Variants in SLC12A5 observed in about 807,000 individuals in gnomAD.
The protein encoded by SLC12A5 is solute carrier family 12 member 5.
SLC12A5 carries 18 observed loss-of-function variants against 124.0 expected under a neutral mutation model. The observed-to-expected ratio is 0.15, with a 90% CI of 0.10 to 0.22. The LOEUF (loss-of-function observed/expected upper bound fraction) is 0.22, where lower values mean the gene tolerates loss of function less well. SLC12A5 is among the 10% of genes least tolerant of loss of function. The pLI is 1.00. For missense variants in SLC12A5, 867 were observed against 1,478.7 expected (o/e 0.59, Z 6.78); for synonymous variants, 589 against 568.0 (o/e 1.04, Z -0.53).
At chr20:46,049,513 G>A (rs1468726407) in intron 16 of SLC12A5, 109 bp from the exon 17 acceptor site, 3 of 1,386,156 alleles carry the variant, frequency 2.2e-6, no homozygotes, top group Non-Finnish European at 3.0e-6. Flanking sequence ...AGGTGGATGG[G>A]ACAGATGGTT....
chr20:46,038,426 T>C (rs2084516548), intron 6 of SLC12A5: 1 of 152,092 alleles, frequency 6.6e-6, no homozygotes, highest in Admixed American at 6.5e-5. Context: ...GAGTTTAAAA[T>C]GATCCTCCCA....
chr20:46,026,278 T>C (rs1007529927), upstream of SLC12A5, among the ~76,000 whole-genome samples: 1 of 152,088 alleles, frequency 6.6e-6, no homozygotes, highest in African/African-American at 2.4e-5. Context: ...AGTTTAGAAA[T>C]AGGACCCTCC....
At chr20:46,021,950 G>T (rs1371309908) in intron 1 of SLC12A5, 4 of 1,428,024 alleles carry the variant, frequency 2.8e-6, no homozygotes, top group South Asian at 1.4e-5. Context: ...GGCCGGGGCG[G>T]ACCGTCTGTT....
chr20:46,045,679 G>A lies in SLC12A5; in HGVS notation c.1570-199G>A, dbSNP rs981393666. 2.0e-5 allele frequency among the ~76,000 whole-genome samples: 3 copies of A among 152,150 alleles called. No individual in the cohort carries two copies. Among genetic ancestry groups the A allele is most frequent in the African/African-American group, 7.2e-5 (3 of 41,420 alleles). ...ATCATTTGAACTTCATGGCACTGGG[G>A]TGCCGATCTCAGGGTGGGCAAGATG... On this transcript the variant is annotated intron_variant, in intron 12 of 25. Coordinates refer to ENST00000243964, the MANE Select transcript of SLC12A5 (RefSeq NM_020708.5). This position sits in a 1 kb window ranked among gnomAD's most constrained non-coding sequence, Gnocchi z 4.9.
chr20:46,046,576 C>A, intron 14 of SLC12A5, 140 bp downstream of exon 14: 1 of 677,840 alleles, frequency 1.5e-6, no homozygotes, highest in Non-Finnish European at 2.5e-6. Context: ...CTTTTGTTGA[C>A]CAACTCACAT....
In SLC12A5 at chr20:46,059,929, A is replaced by T. The variant is rs2084738740; in HGVS notation, c.*2324A>T. Reference sequence around the variant, plus strand: ...AAGAGTATTTATTACTATTACTGCTATTATTATTAGGCCTGCCTTTAATTT... The same window carrying T: ...AAGAGTATTTATTACTATTACTGCTTTTATTATTAGGCCTGCCTTTAATTT... On this transcript the variant is annotated 3_prime_UTR_variant, in exon 26 of 26. Coordinates refer to ENST00000243964, the MANE Select transcript of SLC12A5 (RefSeq NM_020708.5). 1 of 301,558 alleles carries T rather than the reference A, an allele frequency of 3.3e-6. No individual in the cohort carries two copies. Among genetic ancestry groups the T allele is most frequent in the African/African-American group, 2.1e-5 (1 of 46,580 alleles). The allele number at this position is 301,558 out of a possible 1,614,324, so 18.7% of individuals were successfully genotyped here.
rs2084606306 is a variant in SLC12A5, at chr20:46,047,475, G to A, written c.1809G>A (p.Met603Ile). The A allele has an allele frequency of 1.9e-6, 3 of 1,614,074 alleles. No homozygotes were observed. The highest frequency in any genetic ancestry group is 2.5e-6 in the Non-Finnish European group (3 of 1,179,954). ...YYHWTLSFLG[M>I]SLCLALMFIC... ...CTAGGACCCTCTCCTTCCTGGGCAT[G>A]AGCCTCTGCCTGGCCCTCATGTTCA... Residue 603 changes from methionine (M) to isoleucine (I), a missense_variant, in exon 15 of 26, where the codon ATG becomes ATA. Around this residue, in one of 9 missense-constraint regions of SLC12A5, gnomAD observed 152 missense variants for 358.7 expected, o/e 0.42. Coordinates refer to ENST00000243964, the MANE Select transcript of SLC12A5 (RefSeq NM_020708.5).
At position 46,057,064 on chromosome 20, in the gene SLC12A5, G is replaced by A; in HGVS notation, c.3126-106G>A. ...GTTTAGGATTGGTGGTCCTAGGCTT[G>A]CAAGAACCAGTCCCCAGCAGCCCAG... On this transcript the variant is annotated intron_variant, in intron 24 of 25. Transcript: ENST00000243964. This position sits in a 1 kb window ranked among gnomAD's most constrained non-coding sequence, Gnocchi z 7.1. 1 of 1,590,430 alleles carries A rather than the reference G, an allele frequency of 6.3e-7. No individual in the cohort carries two copies. Among genetic ancestry groups the A allele is most frequent in the Non-Finnish European group, 8.6e-7 (1 of 1,162,012 alleles).
intron 1 of SLC12A5, 135 bp downstream of exon 1, chr20:46,029,531 G>T: frequency 6.3e-6 from 6 of 956,328 alleles, no homozygotes; most frequent in Non-Finnish European, 7.6e-6. Context: ...GCCAGTTGCA[G>T]CCTGGAGCTC....
At chr20:46,037,491 G>A (rs1278363197) in intron 6 of SLC12A5, 106 bp downstream of exon 6, 30 of 1,328,858 alleles carry the variant, frequency 2.3e-5, no homozygotes, top group Non-Finnish European at 3.0e-5. Flanking sequence ...GGCCAAAAAT[G>A]TGGTTCAGTA....
In SLC12A5 at chr20:46,045,193, C is replaced by T; in HGVS notation, c.1569+53C>T. ...CTCAGTAGACCAGCCAGGCCCCTGC[C>T]CAGAGAGACCACACAGTGACCCAGG... On this transcript the variant is annotated intron_variant, in intron 12 of 25. Coordinates refer to ENST00000243964, the MANE Select transcript of SLC12A5 (RefSeq NM_020708.5). The surrounding 1 kb of genome is among the most constrained non-coding windows in gnomAD (Gnocchi z 4.9). The T allele has an allele frequency of 3.3e-6, 5 of 1,512,310 alleles. No individual in the cohort carries two copies. Among genetic ancestry groups the T allele is most frequent in the Non-Finnish European group, 4.4e-6 (5 of 1,136,380 alleles). 93.7% of individuals were successfully genotyped at this position (1,512,310 alleles called of 1,614,324 possible). A position where few individuals can be genotyped will look rare whatever the true frequency, so the allele number is the denominator to read the frequency against.
intron 16 of SLC12A5, 77 bp from the exon 17 acceptor site, chr20:46,049,545 G>T (rs543942274): frequency 3.9e-6 from 6 of 1,521,640 alleles, no homozygotes; most frequent in South Asian, 1.2e-5. Flanking sequence ...ATGGCTAGAT[G>T]ACCTGGTGGT....
At position 46,029,233 on chromosome 20, in the gene SLC12A5, G is replaced by T; in HGVS notation, c.-112G>T. The T allele has an allele frequency of 1.4e-6, 2 of 1,452,702 alleles. No individual in the cohort carries two copies. Among genetic ancestry groups the T allele is most frequent in the Non-Finnish European group, 1.8e-6 (2 of 1,101,464 alleles). The allele number at this position is 1,452,702 out of a possible 1,614,324, so 90.0% of individuals were successfully genotyped here. ...GGCGGGCACTGCAGCTTCTTCCTCCGTGGAGCGGAGAGCGAGACAGAGCTA... is the reference window on the plus strand; with the variant it reads ...GGCGGGCACTGCAGCTTCTTCCTCCTTGGAGCGGAGAGCGAGACAGAGCTA... On this transcript the variant is annotated 5_prime_UTR_variant, in exon 1 of 26. Transcript: ENST00000243964.
At chr20:46,021,690 C>G (rs1455270812), upstream of SLC12A5, 3 of 1,502,726 alleles carry the variant, frequency 2.0e-6, no homozygotes, top group African/African-American at 4.3e-5. Flanking sequence ...TCCGCTCTTT[C>G]TCCCTCCTAG....
At chr20:46,035,072 C>G in intron 2 of SLC12A5, 30 bp downstream of exon 2, 2 of 1,603,836 alleles carry the variant, frequency 1.2e-6, no homozygotes, top group East Asian at 4.5e-5. Context: ...GGGCCCCCAC[C>G]TACAATTCAT....
At position 46,042,514 on chromosome 20, in the gene SLC12A5, C is replaced by T. The variant is rs370696292; in HGVS notation, c.1067-639C>T. ...GTAAACATTTGGCTGTGTCTGCAGACGTTTTTGGTTGTCAAAACTGGAGGG... is the reference window on the plus strand; with the variant it reads ...GTAAACATTTGGCTGTGTCTGCAGATGTTTTTGGTTGTCAAAACTGGAGGG... On this transcript the variant is annotated intron_variant, in intron 8 of 25. Transcript: ENST00000243964. Among the ~76,000 whole-genome samples, 9 of 151,616 alleles carry T rather than the reference C, an allele frequency of 5.9e-5. No individual in the cohort carries two copies. The South Asian group carries it at 6.2e-4, about 11-fold the overall frequency.
chr20:46,057,584 G>C lies in SLC12A5; in HGVS notation c.3330G>C (p.Glu1110Asp). ...RVMLVRGGGR[E>D]VITIYS The stretch of plus-strand genomic sequence containing the variant: ...TGCTGGTCCGCGGCGGCGGCCGCGA[G>C]GTCATCACCATCTACTCCTGAGAAC... Residue 1110 changes from glutamate (E) to aspartate (D), a missense_variant, in exon 26 of 26, where the codon GAG becomes GAC. Physicochemically the swap from Glu to Asp is conservative, Grantham distance 45 (BLOSUM62 2). This residue lies in a region of SLC12A5 where 180 missense variants were observed against 243.6 expected (regional missense o/e 0.74). Coordinates refer to ENST00000243964, the MANE Select transcript of SLC12A5 (RefSeq NM_020708.5). This position sits in a 1 kb window ranked among gnomAD's most constrained non-coding sequence, Gnocchi z 7.1. The C allele has an allele frequency of 6.2e-7, 1 of 1,613,874 alleles. No individual in the cohort carries two copies. Among genetic ancestry groups the C allele is most frequent in the South Asian group, 1.1e-5 (1 of 91,086 alleles).
Position 46,056,520 on chromosome 20 carries a change from TC to T in SLC12A5, c.3068del (p.Pro1023LeufsTer13). 6.2e-7 allele frequency: 1 copy of T among 1,614,022 alleles called. No homozygotes were observed. Among genetic ancestry groups the T allele is most frequent in the Non-Finnish European group, 8.5e-7 (1 of 1,179,966 alleles). ...TGGCAGAGAAGAATAAGGGCCCCAG[TC>T]CTGTCTCCTCTGAGGGCATCAAGGA... ...SVAEKNKGPS[P>X]VSSEGIKDFF... On this transcript the variant is annotated frameshift_variant, in exon 23 of 26. Transcript: ENST00000243964. LOFTEE classifies it high-confidence loss of function. This position sits in a 1 kb window ranked among gnomAD's most constrained non-coding sequence, Gnocchi z 4.3.
At position 46,043,147 on chromosome 20, in the gene SLC12A5, C is replaced by T; in HGVS notation, c.1067-6C>T. On this transcript the variant is annotated splice_polypyrimidine_tract_variant and splice_region_variant and intron_variant, in intron 8 of 25. Coordinates refer to ENST00000243964, the MANE Select transcript of SLC12A5 (RefSeq NM_020708.5). ...GCCTCCCCCTGAGCATTCTGTCTCC[C>T]CACAGAGAACCTCTGGAGCTCCTAC... is the stretch of plus-strand genomic sequence containing the variant. 6.2e-7 allele frequency: 1 copy of T among 1,613,142 alleles called. No homozygotes were observed. The highest frequency in any genetic ancestry group is 8.5e-7 in the Non-Finnish European group (1 of 1,179,392).
Sources: gnomAD v4.1 joint callset for allele counts (sites outside exome capture counted in the v4.1 genomes callset) on GRCh38, gnomAD v4.1.1 for gene constraint, gnomAD v4.1.1 regional missense constraint, Gnocchi (gnomAD v3.1) non-coding constraint, MANE v1.5 for transcripts, NCBI Gene and HGNC (gene_info 2026-07-23, HGNC 2026-07-21) for gene names.